ZNF438: variants seen among roughly 807,000 people sequenced by gnomAD.
The protein encoded by ZNF438 is zinc finger protein 438.
ZNF438 carries 25 observed loss-of-function variants against 38.0 expected under a neutral mutation model. The ratio of observed to expected loss-of-function variants is 0.66; its 90% confidence interval spans 0.48 to 0.92. The LOEUF (loss-of-function observed/expected upper bound fraction) is 0.92, where lower values mean the gene tolerates loss of function less well. Ranked by LOEUF, ZNF438 falls within the 40% of genes least tolerant of loss-of-function variation. The probability of loss-of-function intolerance (pLI) is 0.00; values close to 1 mark genes in which losing one functional copy is unlikely to be tolerated. For missense variants in ZNF438, 1,007 were observed against 999.6 expected (o/e 1.01, Z -0.10); for synonymous variants, 372 against 364.1 (o/e 1.02, Z -0.25).
At chr10:30,977,819 C>A (rs2051579534) in intron 1 of ZNF438, among the ~76,000 whole-genome samples, 1 of 151,790 alleles carries the variant, frequency 6.6e-6, no homozygotes, top group Non-Finnish European at 1.5e-5. Context: ...CCCATTTCTA[C>A]TAAAAATACA....
intron 4 of ZNF438, among the ~76,000 whole-genome samples, chr10:30,854,702 G>A (rs2034312627): frequency 6.6e-6 from 1 of 152,166 alleles, no homozygotes; most frequent in Non-Finnish European, 1.5e-5. Flanking sequence ...AAAGAGAATG[G>A]TAAATTATGC....
intron 4 of ZNF438, among the ~76,000 whole-genome samples, chr10:30,875,808 T>C (rs909878829): frequency 2.0e-5 from 3 of 152,232 alleles, no homozygotes; most frequent in African/African-American, 7.2e-5. Context: ...ATGTTTGGCC[T>C]TCCAAGGCCA....
intron 1 of ZNF438, among the ~76,000 whole-genome samples, chr10:31,009,828 G>A (rs1450112909): frequency 6.6e-6 from 1 of 150,454 alleles, no homozygotes; most frequent in African/African-American, 2.4e-5. Flanking sequence ...GCCATCACCT[G>A]GTTCTTATCA....
intron 2 of ZNF438, among the ~76,000 whole-genome samples, chr10:30,930,803 C>CAAACAAAAA (rs2045577818): frequency 2.6e-5 from 1 of 38,434 alleles, no homozygotes; most frequent in Non-Finnish European, 4.9e-5. Context: ...GAAACTCAGT[C>CAAACAAAAA]AAAAAAAAAA....
chr10:30,949,996 T>A (rs558168841), intron 1 of ZNF438, among the ~76,000 whole-genome samples: 5 of 150,064 alleles, frequency 3.3e-5, no homozygotes, highest in East Asian at 3.9e-4. Flanking sequence ...ACATACTTGG[T>A]AGTAAAGCTC....
At chr10:30,902,903 C>A (rs1271357075) in intron 3 of ZNF438, among the ~76,000 whole-genome samples, 2 of 152,204 alleles carry the variant, frequency 1.3e-5, no homozygotes, top group African/African-American at 4.8e-5. Flanking sequence ...GAGCCCATGG[C>A]AGAGCGGGGA....
At chr10:30,997,740 G>A (rs1274036314) in intron 1 of ZNF438, among the ~76,000 whole-genome samples, 1 of 152,068 alleles carries the variant, frequency 6.6e-6, no homozygotes, top group Non-Finnish European at 1.5e-5. Context: ...TTCTAAGAAA[G>A]TTTTCTTCAT....
intron 4 of ZNF438, among the ~76,000 whole-genome samples, chr10:30,868,098 T>C (rs2133354237): frequency 6.6e-6 from 1 of 152,114 alleles, no homozygotes; most frequent in East Asian, 1.9e-4. Flanking sequence ...AGACGGAGTT[T>C]CGCTTTTGTT....
At chr10:30,957,320 A>G (rs952162175) in intron 1 of ZNF438, among the ~76,000 whole-genome samples, 3 of 152,198 alleles carry the variant, frequency 2.0e-5, no homozygotes, top group African/African-American at 7.2e-5. Flanking sequence ...TAGTTAGCTA[A>G]TATTTTCTCC....
At chr10:30,958,093 T>C (rs1015006117) in intron 1 of ZNF438, among the ~76,000 whole-genome samples, 1 of 146,814 alleles carries the variant, frequency 6.8e-6, no homozygotes, top group African/African-American at 2.4e-5. Flanking sequence ...AGTTCCATTT[T>C]TGGGACTGAG....
At chr10:30,969,542 G>A (rs2050517945) in intron 1 of ZNF438, among the ~76,000 whole-genome samples, 1 of 152,178 alleles carries the variant, frequency 6.6e-6, no homozygotes. Flanking sequence ...AGAACAGTGG[G>A]AAGGAAAATT....
In ZNF438 at chr10:30,849,698, A is replaced by G. The variant is rs754267042; in HGVS notation, c.707T>C (p.Leu236Pro). Residue 236 changes from leucine (L) to proline (P), a missense_variant, in exon 5 of 6, where the codon CTT (leucine) becomes CCT (proline). Transcript: ENST00000413025. ...GCTTACAAAGTGTGCTTTCCCTGAA[A>G]GAGCTGTGAGGTCCTGCTTGGCAGG... 7 of 1,614,044 alleles carry G rather than the reference A, an allele frequency of 4.3e-6. No individual in the cohort carries two copies. In the African/African-American group the frequency reaches 5.3e-5, roughly 12 times the overall value.
intron 4 of ZNF438, among the ~76,000 whole-genome samples, chr10:30,874,157 T>C (rs2038038718): frequency 8.9e-6 from 1 of 111,880 alleles, no homozygotes; most frequent in Non-Finnish European, 1.8e-5. Context: ...TATATATATA[T>C]ATATATTTAG....
intron 2 of ZNF438, among the ~76,000 whole-genome samples, chr10:30,924,525 C>G (rs1024307447): frequency 2.0e-5 from 3 of 152,164 alleles, no homozygotes; most frequent in Admixed American, 1.3e-4. Context: ...GAAAGGAACT[C>G]AGATAAAATA....
chr10:30,856,796 A>G (rs188379307), intron 4 of ZNF438, among the ~76,000 whole-genome samples: 12 of 152,356 alleles, frequency 7.9e-5, no homozygotes, highest in Middle Eastern at 3.4e-3. Context: ...ATTATTCAAC[A>G]GGAATACTTA....
At chr10:30,867,648 G>A (rs1588884531) in intron 4 of ZNF438, among the ~76,000 whole-genome samples, 2 of 152,158 alleles carry the variant, frequency 1.3e-5, no homozygotes, top group East Asian at 1.9e-4. Flanking sequence ...CTATAATTGT[G>A]TGTGTTGATG....
chr10:30,851,512 A>C (rs1171173629), intron 4 of ZNF438, among the ~76,000 whole-genome samples: 1 of 152,236 alleles, frequency 6.6e-6, no homozygotes, highest in Admixed American at 6.5e-5. Flanking sequence ...CTTTTCTGAA[A>C]TTTTTGGAGG....
At chr10:30,980,675 T>C (rs747468213) in intron 1 of ZNF438, among the ~76,000 whole-genome samples, 3 of 152,146 alleles carry the variant, frequency 2.0e-5, no homozygotes, top group Non-Finnish European at 2.9e-5. Flanking sequence ...AAAGAAATTG[T>C]AAATTTGGGA....
At chr10:30,949,921 T>C (rs1340712569) in intron 1 of ZNF438, among the ~76,000 whole-genome samples, 7 of 152,160 alleles carry the variant, frequency 4.6e-5, no homozygotes, top group Non-Finnish European at 7.3e-5. Flanking sequence ...CAGAACTCTC[T>C]ACCCCAAATC....
Sources: gnomAD v4.1 joint callset for allele counts (sites outside exome capture counted in the v4.1 genomes callset) on GRCh38, gnomAD v4.1.1 for gene constraint, MANE v1.5 for transcripts, NCBI Gene and HGNC (gene_info 2026-07-23, HGNC 2026-07-21) for gene names.